The following QTGAL variants were observed in gnomAD, a reference collection of about 807,000 sequenced individuals.
QTGAL encodes the protein BGnT-like protein 1.
chr17:82,949,514 G>A, the QTGAL span: 1 of 152,200 alleles, frequency 6.6e-6, no homozygotes, highest in Non-Finnish European at 1.5e-5. Flanking sequence ...CCCGCCAAAC[G>A]GAATTGCAGG....
At chr17:82,957,144 G>A in the QTGAL span, 5 of 1,613,100 alleles carry the variant, frequency 3.1e-6, no homozygotes, top group Non-Finnish European at 4.2e-6. Flanking sequence ...GGAGCAGGTG[G>A]TTGACCCCAA....
At chr17:82,981,547 A>G in the QTGAL span, 1 of 152,272 alleles carries the variant, frequency 6.6e-6, no homozygotes, top group African/African-American at 2.4e-5. Flanking sequence ...CTGTGATGCA[A>G]AGAACCATCT....
chr17:82,944,802 C>T, the QTGAL span: 2 of 152,312 alleles, frequency 1.3e-5, no homozygotes, highest in Admixed American at 6.5e-5. Flanking sequence ...GGAATCTAGT[C>T]ACGCTATTTT....
the QTGAL span, among the ~76,000 whole-genome samples, chr17:83,012,917 G>A: frequency 6.6e-6 from 1 of 151,696 alleles, no homozygotes; most frequent in South Asian, 2.1e-4. Flanking sequence ...AGATCCCCGG[G>A]CCCCCCGTCC....
At chr17:82,954,007 T>TA in the QTGAL span, among the ~76,000 whole-genome samples, 4 of 151,976 alleles carry the variant, frequency 2.6e-5, no homozygotes, top group Admixed American at 2.6e-4. Context: ...CTCAAAATAA[T>TA]AGCTATTTAT....
chr17:83,049,411 G>GT, the QTGAL span, among the ~76,000 whole-genome samples: 17 of 147,228 alleles, frequency 1.2e-4, no homozygotes, highest in Admixed American at 1.2e-3. Flanking sequence ...ATAACTGGTT[G>GT]GTTTTTTTTT....
the QTGAL span, among the ~76,000 whole-genome samples, chr17:83,018,878 A>G: frequency 6.6e-6 from 1 of 152,214 alleles, no homozygotes; most frequent in Non-Finnish European, 1.5e-5. Flanking sequence ...AGCCTCTGGG[A>G]CATGGAGCTG....
At chr17:83,036,083 T>C in the QTGAL span, among the ~76,000 whole-genome samples, 1 of 152,114 alleles carries the variant, frequency 6.6e-6, no homozygotes, top group Non-Finnish European at 1.5e-5. Context: ...ACAGATACTG[T>C]GCGGCGTAAA....
At chr17:83,006,660 C>T in the QTGAL span, 17 of 985,422 alleles carry the variant, frequency 1.7e-5, no homozygotes, top group Non-Finnish European at 1.8e-5. This position sits in a 1 kb window ranked among gnomAD's most constrained non-coding sequence, Gnocchi z 5.8. Flanking sequence ...TGGCTGTGCT[C>T]TCCAGAGCAT....
At chr17:82,945,685 T>C in the QTGAL span, 1 of 152,208 alleles carries the variant, frequency 6.6e-6, no homozygotes, top group African/African-American at 2.4e-5. Context: ...CTGTCCTGTT[T>C]ATTGCAGGGT....
the QTGAL span, among the ~76,000 whole-genome samples, chr17:83,015,762 T>C: frequency 6.6e-6 from 1 of 152,160 alleles, no homozygotes; most frequent in East Asian, 1.9e-4. This position sits in a 1 kb window ranked among gnomAD's most constrained non-coding sequence, Gnocchi z 4.4. Context: ...GCGCAAACCC[T>C]ACTGTGAACT....
At chr17:82,984,036 G>A in the QTGAL span, among the ~76,000 whole-genome samples, 23 of 132,742 alleles carry the variant, frequency 1.7e-4, no homozygotes, top group Non-Finnish European at 2.9e-4. Flanking sequence ...GAGAGGCCAC[G>A]TGAGCACACA....
the QTGAL span, chr17:82,957,645 C>T: frequency 2.6e-6 from 3 of 1,148,302 alleles, no homozygotes; most frequent in Non-Finnish European, 3.6e-6. Context: ...GTCCTACAGT[C>T]AGGCCACCTG....
the QTGAL span, chr17:82,944,731 C>G: frequency 6.6e-6 from 1 of 152,184 alleles, no homozygotes; most frequent in Middle Eastern, 3.2e-3. Flanking sequence ...TAGGTGCTAA[C>G]CAGAAACCCT....
the QTGAL span, chr17:82,957,080 G>A: frequency 1.7e-5 from 25 of 1,506,440 alleles, no homozygotes; most frequent in African/African-American, 3.2e-4. Context: ...AGCCAGCACG[G>A]CCCAGGTGGA....
At chr17:83,018,322 A>C in the QTGAL span, among the ~76,000 whole-genome samples, 4 of 152,216 alleles carry the variant, frequency 2.6e-5, no homozygotes, top group Non-Finnish European at 4.4e-5. Flanking sequence ...ATGCTCCGCG[A>C]ACATGGTGTG....
At chr17:83,006,875 A>G in the QTGAL span, 2 of 933,146 alleles carry the variant, frequency 2.1e-6, no homozygotes, top group Non-Finnish European at 2.6e-6. This position sits in a 1 kb window ranked among gnomAD's most constrained non-coding sequence, Gnocchi z 5.8. Context: ...GGGTCACAGA[A>G]CAGTTACATG....
chr17:83,006,245 C>T, the QTGAL span: 3 of 985,442 alleles, frequency 3.0e-6, no homozygotes, highest in Non-Finnish European at 3.6e-6. The surrounding 1 kb of genome is among the most constrained non-coding windows in gnomAD (Gnocchi z 5.8). Context: ...GAAGTCACAC[C>T]GAGGCATCTG....
the QTGAL span, among the ~76,000 whole-genome samples, chr17:82,991,885 G>T: frequency 6.6e-6 from 1 of 152,096 alleles, no homozygotes; most frequent in Non-Finnish European, 1.5e-5. Context: ...AAAAGAAGCA[G>T]AAATTCTGGA....
Sources: gnomAD v4.1 joint callset for allele counts (sites outside exome capture counted in the v4.1 genomes callset) on GRCh38, gnomAD v4.1.1 for gene constraint, Gnocchi (gnomAD v3.1) non-coding constraint, MANE v1.5 for transcripts, NCBI Gene and HGNC (gene_info 2026-07-23, HGNC 2026-07-21) for gene names.